Variants in SRBD1 observed in about 807,000 individuals in gnomAD.
SRBD1 encodes the protein S1 RNA-binding domain-containing protein 1.
Under a neutral mutation model 115.3 loss-of-function variants are expected in SRBD1, and 88 were observed. The ratio of observed to expected loss-of-function variants is 0.76; its 90% CI spans 0.64 to 0.91. The LOEUF is 0.91. SRBD1 is among the 40% of genes least tolerant of loss of function. The probability of loss-of-function intolerance (pLI) is 0.00; values close to 1 mark genes in which losing one functional copy is unlikely to be tolerated. For synonymous variants in SRBD1, 509 were observed against 407.7 expected, an observed-to-expected ratio of 1.25 and a Z score of -2.99; for missense variants, 1,385 against 1,177.4, an observed-to-expected ratio of 1.18 and a Z score of -2.58.
intron 6 of SRBD1, among the ~76,000 whole-genome samples, chr2:45,580,562 T>G (rs1005271554): frequency 1.4e-5 from 2 of 146,448 alleles, no homozygotes; most frequent in African/African-American, 5.1e-5. Context: ...GGTTTCACCA[T>G]GTTGGCCAGG....
intron 19 of SRBD1, among the ~76,000 whole-genome samples, chr2:45,405,356 GGACTGAT>G (rs1216313655): frequency 6.6e-6 from 1 of 152,096 alleles, no homozygotes; most frequent in African/African-American, 2.4e-5. Context: ...GGGCTAGTGA[GGACTGAT>G]GATAAAAGAA....
At chr2:45,407,155 A>G (rs1667460411) in intron 19 of SRBD1, among the ~76,000 whole-genome samples, 1 of 152,178 alleles carries the variant, frequency 6.6e-6, no homozygotes, top group African/African-American at 2.4e-5. Context: ...AGTGGGAATA[A>G]TAATAGTACC....
At chr2:45,461,082 A>G (rs3770266) in intron 16 of SRBD1, among the ~76,000 whole-genome samples, 69,891 of 152,052 alleles carry the variant, frequency 0.46, 17,214 homozygotes, top group Non-Finnish European at 0.57. Flanking sequence ...TTTAAACTAC[A>G]CAAATAATGT....
intron 10 of SRBD1, among the ~76,000 whole-genome samples, 185 bp downstream of exon 10, chr2:45,562,468 G>A (rs746504440): frequency 2.0e-5 from 3 of 152,062 alleles, no homozygotes; most frequent in South Asian, 2.1e-4. Context: ...TCCTGACCTC[G>A]CGATCCACCC....
intron 14 of SRBD1, among the ~76,000 whole-genome samples, chr2:45,522,501 T>C (rs1335429428): frequency 1.3e-5 from 2 of 152,166 alleles, no homozygotes; most frequent in South Asian, 2.1e-4. Context: ...AGCACAAACA[T>C]GATACTCAAA....
At chr2:45,412,792 C>T (rs1398931394) in intron 19 of SRBD1, among the ~76,000 whole-genome samples, 2 of 152,104 alleles carry the variant, frequency 1.3e-5, no homozygotes, top group African/African-American at 4.8e-5. Flanking sequence ...TTTAGAAAAG[C>T]ACAAGTTTTA....
chr2:45,443,594 G>C (rs1271286850), intron 16 of SRBD1, among the ~76,000 whole-genome samples: 1 of 152,084 alleles, frequency 6.6e-6, no homozygotes, highest in Non-Finnish European at 1.5e-5. Flanking sequence ...GAGATCAATG[G>C]TGTTTAAGGT....
chr2:45,490,540 T>C (rs1435146755), intron 14 of SRBD1, among the ~76,000 whole-genome samples: 3 of 152,166 alleles, frequency 2.0e-5, no homozygotes, highest in Non-Finnish European at 4.4e-5. Flanking sequence ...CTAGACCTAT[T>C]ATTAAGAGAA....
In SRBD1 at chr2:45,590,283, G is replaced by T. The variant is rs527458799; in HGVS notation, c.649-4509C>A. Among the ~76,000 whole-genome samples the T allele has an allele frequency of 5.2e-4, 79 of 152,290 alleles. No homozygotes were observed. The South Asian group carries it at 6.8e-3, about 13-fold the overall frequency. On this transcript the variant is annotated intron_variant, in intron 4 of 20. Coordinates refer to ENST00000263736, the MANE Select transcript of SRBD1 (RefSeq NM_018079.5). ...GCGTACGCTGAACTAACTCTGGGAG[G>T]AACTCAGTTTACAGTTTAGCTTTGA...
intron 10 of SRBD1, among the ~76,000 whole-genome samples, chr2:45,557,001 GTT>G (rs1328190394): frequency 6.6e-6 from 1 of 151,990 alleles, no homozygotes; most frequent in African/African-American, 2.4e-5. Context: ...TCTGAGATAG[GTT>G]TTTTTAATGA....
chr2:45,578,857 A>G (rs1298709638), intron 7 of SRBD1, among the ~76,000 whole-genome samples: 1 of 152,256 alleles, frequency 6.6e-6, no homozygotes, highest in East Asian at 1.9e-4. Flanking sequence ...TCTTAACACA[A>G]AAGAAGGTAA....
rs1316750762 is a variant in SRBD1 at position 45,605,345 on chromosome 2, T to G, written c.80+17A>C. On this transcript the variant is annotated intron_variant, in intron 2 of 20. Coordinates refer to ENST00000263736, the MANE Select transcript of SRBD1 (RefSeq NM_018079.5). ...ATTCATCATTCCCCTACCCACATAT[T>G]AAACCAGTATGCTTACAACTCAGAG... is the stretch of plus-strand genomic sequence containing the variant. 1.2e-6 allele frequency: 2 copies of G among 1,606,188 alleles called. No individual in the cohort carries two copies. Among genetic ancestry groups the G allele is most frequent in the African/African-American group, 2.7e-5 (2 of 74,870 alleles).
intron 10 of SRBD1, among the ~76,000 whole-genome samples, chr2:45,559,077 CCT>C (rs1191512989): frequency 7.9e-5 from 12 of 152,098 alleles, no homozygotes; most frequent in African/African-American, 2.2e-4. Context: ...TTGTCCTGCC[CCT>C]GTCTACCTCC....
At position 45,542,998 on chromosome 2, in the gene SRBD1, G is replaced by A. The variant is rs536162370; in HGVS notation, c.1874+3734C>T. Among the ~76,000 whole-genome samples, 8 of 152,284 alleles carry A rather than the reference G, an allele frequency of 5.3e-5. No homozygotes were observed. In the South Asian group the frequency reaches 1.5e-3, roughly 28 times the overall value. Reference sequence around the variant, plus strand: ...ATAAATCTAAAAAACACAAACTAATGTATAACTACAAAAGCAAAATGAGTG... The same window carrying A: ...ATAAATCTAAAAAACACAAACTAATATATAACTACAAAAGCAAAATGAGTG... On this transcript the variant is annotated intron_variant, in intron 14 of 20. Coordinates refer to ENST00000263736, the MANE Select transcript of SRBD1 (RefSeq NM_018079.5).
At position 45,410,352 on chromosome 2, in the gene SRBD1, T is replaced by A. The variant is rs560199350; in HGVS notation, c.2513+2762A>T. Reference sequence around the variant, plus strand: ...GAAAACTGAACTTTCATCTACCTCATGACTTATCAATTCCTCTCGTATGTA... The same window carrying A: ...GAAAACTGAACTTTCATCTACCTCAAGACTTATCAATTCCTCTCGTATGTA... On this transcript the variant is annotated intron_variant, in intron 19 of 20. Coordinates refer to ENST00000263736, the MANE Select transcript of SRBD1 (RefSeq NM_018079.5). 2.6e-5 allele frequency among the ~76,000 whole-genome samples: 4 copies of A among 152,268 alleles called. No homozygotes were observed. In the South Asian group the frequency reaches 6.2e-4, roughly 24 times the overall value.
intron 12 of SRBD1, among the ~76,000 whole-genome samples, chr2:45,548,544 A>G (rs1197199270): frequency 3.9e-5 from 6 of 152,110 alleles, no homozygotes; most frequent in African/African-American, 1.4e-4. Context: ...CAATTATCCT[A>G]TAAGCAATAC....
chr2:45,602,150 T>C (rs1558507016), intron 2 of SRBD1, 67 bp from the exon 3 acceptor site: 3 of 1,516,498 alleles, frequency 2.0e-6, no homozygotes, highest in African/African-American at 1.4e-5. Flanking sequence ...AAAAAAGAGA[T>C]GCAAGATTCT....
In SRBD1 at chr2:45,527,142, T is replaced by A. The variant is rs553451064; in HGVS notation, c.1874+19590A>T. Among the ~76,000 whole-genome samples the A allele has an allele frequency of 1.6e-4, 24 of 152,010 alleles. 1 individual carries two copies. Among genetic ancestry groups the A allele is most frequent in the Admixed American group, 1.5e-3 (23 of 15,234 alleles). On this transcript the variant is annotated intron_variant, in intron 14 of 20. Transcript: ENST00000263736. ...CTTATTCACAGAAGGTTCTTACATA[T>A]AAATATGAATATATATACATACTCT...
intron 14 of SRBD1, among the ~76,000 whole-genome samples, chr2:45,507,467 T>C (rs1171011648): frequency 6.6e-6 from 1 of 152,050 alleles, no homozygotes; most frequent in Admixed American, 6.5e-5. Flanking sequence ...TCTGTAATCC[T>C]TGTACTTTGG....
Sources: gnomAD v4.1 joint callset for allele counts (sites outside exome capture counted in the v4.1 genomes callset) on GRCh38, gnomAD v4.1.1 for gene constraint, MANE v1.5 for transcripts, NCBI Gene and HGNC (gene_info 2026-07-23, HGNC 2026-07-21) for gene names.